Variants in ACTN4 observed in about 807,000 individuals in gnomAD.
The protein encoded by ACTN4 is alpha-actinin-4.
In ACTN4, 18 loss-of-function variants were observed where a neutral mutation model predicts 114.2. The ratio of observed to expected loss-of-function variants is 0.16; its 90% CI spans 0.11 to 0.23. The LOEUF (loss-of-function observed/expected upper bound fraction) is 0.23. Among genes scored for constraint, ACTN4 ranks in the 10% least tolerant of loss-of-function variants. ACTN4 has a pLI of 1.00. For synonymous variants in ACTN4, 515 were observed against 506.3 expected (o/e 1.02, Z -0.23); for missense variants, 722 against 1,262.9 (o/e 0.57, Z 6.49).
intron 6 of ACTN4, 37 bp downstream of exon 6, chr19:38,708,232 G>A (rs765167938): frequency 4.0e-5 from 65 of 1,605,700 alleles, no homozygotes; most frequent in Non-Finnish European, 5.3e-5. Flanking sequence ...GCCCACAGAC[G>A]TGCCCTGTCT....
At chr19:38,679,603 T>TG (rs1599788894) in intron 1 of ACTN4, among the ~76,000 whole-genome samples, 3 of 77,372 alleles carry the variant, frequency 3.9e-5, no homozygotes, top group Admixed American at 1.3e-4. Context: ...GTGTGTGTAT[T>TG]TTTTTAGAGA....
At chr19:38,671,691 G>A (rs1450587101) in intron 1 of ACTN4, among the ~76,000 whole-genome samples, 2 of 151,994 alleles carry the variant, frequency 1.3e-5, no homozygotes, top group African/African-American at 2.4e-5. Context: ...AAAACTTCAG[G>A]CCATTTTTTC....
chr19:38,701,424 C>T (rs958790609), intron 3 of ACTN4, among the ~76,000 whole-genome samples: 4 of 152,184 alleles, frequency 2.6e-5, no homozygotes, highest in Non-Finnish European at 5.9e-5. Flanking sequence ...GGACTCAGGT[C>T]GCCCTCACTG....
At chr19:38,697,645 G>A (rs1968137561) in intron 1 of ACTN4, among the ~76,000 whole-genome samples, 1 of 152,236 alleles carries the variant, frequency 6.6e-6, no homozygotes, top group African/African-American at 2.4e-5. Flanking sequence ...AAGGCTGTGA[G>A]GGGTGCTGTT....
At chr19:38,719,521 TAGTG>T (rs1440407378) in intron 11 of ACTN4, among the ~76,000 whole-genome samples, 2 of 152,144 alleles carry the variant, frequency 1.3e-5, no homozygotes, top group African/African-American at 2.4e-5. Flanking sequence ...AGAGAGTGGA[TAGTG>T]AGGGAGGAAG....
rs1360133625 is a variant in ACTN4 at position 38,730,529 on chromosome 19, G to T, written c.*1097G>T. ...ATAAAACATGTAATATTTTTAAGAA[G>T]GATTCCTGCAGCATCATCTTTTTTT... On this transcript the variant is annotated 3_prime_UTR_variant, in exon 21 of 21. Coordinates refer to ENST00000252699, the MANE Select transcript of ACTN4 (RefSeq NM_004924.6). 1 of 412,088 alleles carries T rather than the reference G, an allele frequency of 2.4e-6. No homozygotes were observed. The allele number at this position is 412,088 out of a possible 1,614,324, so 25.5% of individuals were successfully genotyped here.
chr19:38,703,587 C>T (rs1384163434), intron 3 of ACTN4, among the ~76,000 whole-genome samples: 6 of 152,168 alleles, frequency 3.9e-5, no homozygotes, highest in Non-Finnish European at 7.4e-5. Context: ...GCAGTCTGGC[C>T]TCAGGCCCGT....
Position 38,717,058 on chromosome 19 carries a change from A to C in ACTN4, c.913-28A>C, listed in dbSNP as rs893885967. 1.2e-6 allele frequency: 2 copies of C among 1,600,218 alleles called. No individual in the cohort carries two copies. The highest frequency in any genetic ancestry group is 2.7e-5 in the African/African-American group (2 of 74,622). ...TCAGCACTCTGAGGGTCCCCCACAA[A>C]GGCCACGCTGGCTTCTGTGGCCCAC... is the stretch of plus-strand genomic sequence containing the variant. On this transcript the variant is annotated intron_variant, in intron 9 of 20. Coordinates refer to ENST00000252699, the MANE Select transcript of ACTN4 (RefSeq NM_004924.6). The surrounding 1 kb of genome is among the most constrained non-coding windows in gnomAD (Gnocchi z 4.0).
chr19:38,731,351 G>C lies in ACTN4; in HGVS notation c.*1919G>C. The C allele has an allele frequency of 1.4e-6, 1 of 711,706 alleles. No homozygotes were observed. The highest frequency in any genetic ancestry group is 2.5e-6 in the Non-Finnish European group (1 of 401,386). The allele number at this position is 711,706 out of a possible 1,614,324, so 44.1% of individuals were successfully genotyped here. A position where few individuals can be genotyped will look rare whatever the true frequency, so the allele number is the denominator to read the frequency against. ...TCACACCCCAACTCTGCCCCATCCC[G>C]GCAGGGTGAGTACAGGCTGATCCCT... On this transcript the variant is annotated 3_prime_UTR_variant, in exon 21 of 21. Transcript: ENST00000252699.
rs1969286349 is a variant in ACTN4, at chr19:38,727,648, C to T, written c.2338-298C>T. On this transcript the variant is annotated intron_variant, in intron 18 of 20. Transcript: ENST00000252699. This position sits in a 1 kb window ranked among gnomAD's most constrained non-coding sequence, Gnocchi z 5.4. ...GAGAACCCCCCCCCCGACCCTCCAC[C>T]AGTCCTGGGACTTGTCCTCAGTTCT... Among the ~76,000 whole-genome samples, 1 of 147,654 alleles carries T rather than the reference C, an allele frequency of 6.8e-6. No individual in the cohort carries two copies. Among genetic ancestry groups the T allele is most frequent in the Non-Finnish European group, 1.5e-5 (1 of 67,054 alleles).
At chr19:38,661,363 C>T (rs1013919704) in intron 1 of ACTN4, among the ~76,000 whole-genome samples, 3 of 152,118 alleles carry the variant, frequency 2.0e-5, no homozygotes, top group Non-Finnish European at 2.9e-5. Flanking sequence ...GCAGTCGGCA[C>T]GTGTATTTGA....
intron 1 of ACTN4, among the ~76,000 whole-genome samples, chr19:38,680,196 A>G (rs1268568607): frequency 7.1e-6 from 1 of 141,238 alleles, no homozygotes; most frequent in Non-Finnish European, 1.5e-5. Context: ...ACCTGTCCAT[A>G]GCTGGAGCTC....
At chr19:38,720,330 CTG>C (rs576829783) in intron 11 of ACTN4, among the ~76,000 whole-genome samples, 140 of 152,372 alleles carry the variant, frequency 9.2e-4, no homozygotes, top group Non-Finnish European at 1.5e-3. Context: ...CAATGGTCCG[CTG>C]CCCACATCCT....
At chr19:38,722,703 CG>C (rs1434550217) in intron 12 of ACTN4, among the ~76,000 whole-genome samples, 1 of 152,190 alleles carries the variant, frequency 6.6e-6, no homozygotes, top group East Asian at 1.9e-4. Flanking sequence ...GCAGCACCCT[CG>C]GGGGTGTGGG....
At chr19:38,721,227 C>T (rs534935976) in intron 11 of ACTN4, among the ~76,000 whole-genome samples, 35 of 152,326 alleles carry the variant, frequency 2.3e-4, no homozygotes, top group African/African-American at 7.5e-4. Flanking sequence ...AGCCGTGCTA[C>T]CACGGCCCGA....
chr19:38,660,749 G>T (rs1364019053), intron 1 of ACTN4, among the ~76,000 whole-genome samples: 1 of 152,166 alleles, frequency 6.6e-6, no homozygotes, highest in African/African-American at 2.4e-5. Context: ...CTTACATGCA[G>T]AAATGGATCC....
chr19:38,706,217 C>T (rs1599829818), intron 5 of ACTN4, 86 bp downstream of exon 5: 1 of 1,431,032 alleles, frequency 7.0e-7, no homozygotes. Context: ...GTGTTTTTGT[C>T]GTGGTCTGTG....
intron 1 of ACTN4, among the ~76,000 whole-genome samples, chr19:38,652,317 ACT>A (rs753455452): frequency 2.6e-5 from 4 of 152,150 alleles, no homozygotes; most frequent in South Asian, 2.1e-4. Flanking sequence ...AGCTGCTAGC[ACT>A]CTGTTCTCTC....
chr19:38,685,725 C>G (rs181821678), intron 1 of ACTN4, among the ~76,000 whole-genome samples: 1 of 152,232 alleles, frequency 6.6e-6, no homozygotes, highest in African/African-American at 2.4e-5. Context: ...CCAGACCAAG[C>G]CAGCTCCACC....
Sources: allele counts gnomAD v4.1 joint callset (sites outside exome capture counted in the v4.1 genomes callset), GRCh38; gene constraint gnomAD v4.1.1; non-coding constraint Gnocchi (gnomAD v3.1); transcripts MANE v1.5; gene names NCBI Gene and HGNC (gene_info 2026-07-23, HGNC 2026-07-21).